The following AP4E1 variants were observed in gnomAD, a reference collection of about 807,000 sequenced individuals.
AP4E1 encodes AP-4 complex subunit epsilon-1.
AP4E1 carries 56 observed loss-of-function variants against 128.2 expected under a neutral mutation model. That is an observed-to-expected ratio of 0.44 (90% confidence interval 0.35 to 0.55). AP4E1 has a LOEUF of 0.55. Among genes scored for constraint, AP4E1 ranks in the 20% least tolerant of loss-of-function variants. AP4E1 has a pLI of 0.00. For missense variants in AP4E1, 1,324 were observed against 1,307.7 expected, an observed-to-expected ratio of 1.01 and a Z score of -0.19; for synonymous variants, 484 against 473.1, an observed-to-expected ratio of 1.02 and a Z score of -0.30.
intron 15 of AP4E1, among the ~76,000 whole-genome samples, chr15:50,976,068 C>T (rs1438126882): frequency 6.6e-6 from 1 of 151,596 alleles, no homozygotes; most frequent in African/African-American, 2.4e-5. Flanking sequence ...CCAGCCTTAC[C>T]CTGATAGCAA....
chr15:50,908,630 C>G (rs1312524093), upstream of AP4E1: 19 of 1,088,542 alleles, frequency 1.7e-5, no homozygotes, highest in African/African-American at 2.9e-4. Context: ...GAGAACGACG[C>G]TGAACTTGTT....
chr15:50,945,568 G>T (rs963385107), intron 10 of AP4E1: 5 of 741,768 alleles, frequency 6.7e-6, no homozygotes, highest in Non-Finnish European at 7.4e-6. Flanking sequence ...TGCTAGTTTC[G>T]ATAAAGCTAT....
At chr15:50,989,688 T>G (rs993258710) in intron 16 of AP4E1, among the ~76,000 whole-genome samples, 2 of 152,106 alleles carry the variant, frequency 1.3e-5, no homozygotes, top group Admixed American at 1.3e-4. Context: ...TTACACACTT[T>G]TACCTGCACA....
Position 50,997,881 on chromosome 15 carries a change from A to G in AP4E1, c.2902A>G (p.Lys968Glu). 1 of 1,596,446 alleles carries G rather than the reference A, an allele frequency of 6.3e-7. No individual in the cohort carries two copies. ...AGAAATTTTTCCTGCAGAAAATTTC[A>G]AGGTAAAATTTAAAGGTATTATTGT... ...DLEIFPAENFKVTEQPGCCLP... is the reference protein window; with the variant it reads ...DLEIFPAENFEVTEQPGCCLP... The change falls in exon 18 of 21, where the codon AAG becomes GAG. Residue 968 changes from lysine (K) to glutamate (E), a missense_variant and splice_region_variant. Coordinates refer to ENST00000261842, the MANE Select transcript of AP4E1 (RefSeq NM_007347.5).
At chr15:50,982,952 CATA>C (rs1318879430) in intron 15 of AP4E1, among the ~76,000 whole-genome samples, 1 of 152,096 alleles carries the variant, frequency 6.6e-6, no homozygotes, top group Non-Finnish European at 1.5e-5. Flanking sequence ...CAGAAGTTGA[CATA>C]ATATTTTCTA....
intron 3 of AP4E1, among the ~76,000 whole-genome samples, chr15:50,923,669 A>G (rs774665536): frequency 6.6e-6 from 1 of 152,216 alleles, no homozygotes; most frequent in Non-Finnish European, 1.5e-5. Context: ...TCTTAGTGCC[A>G]TTTACAAGAT....
chr15:50,941,938 A>G (rs1165841070), intron 10 of AP4E1, among the ~76,000 whole-genome samples, 163 bp downstream of exon 10: 1 of 152,112 alleles, frequency 6.6e-6, no homozygotes, highest in Non-Finnish European at 1.5e-5. Flanking sequence ...CTATTTTGAG[A>G]CAGAATCTCA....
At position 50,958,868 on chromosome 15, in the gene AP4E1, AT is replaced by A; in HGVS notation, c.1851+75del. On this transcript the variant is annotated intron_variant, in intron 14 of 20. Coordinates refer to ENST00000261842, the MANE Select transcript of AP4E1 (RefSeq NM_007347.5). ...AGAGTAATTCTTGCATTTGTGACATATCAGGAATATATCAAAATGTGGTTTC... is the reference window on the plus strand; with the variant it reads ...AGAGTAATTCTTGCATTTGTGACATACAGGAATATATCAAAATGTGGTTTC... 3 of 1,433,394 alleles carry A rather than the reference AT, an allele frequency of 2.1e-6. No homozygotes were observed. The South Asian group carries it at 3.5e-5, about 17-fold the overall frequency. 88.8% of individuals were successfully genotyped at this position (1,433,394 alleles called of 1,614,324 possible).
intron 10 of AP4E1, among the ~76,000 whole-genome samples, chr15:50,942,412 C>G (rs2064000070): frequency 6.6e-6 from 1 of 151,920 alleles, no homozygotes; most frequent in Non-Finnish European, 1.5e-5. Context: ...GTACAATTTC[C>G]TGTTATTGTA....
chr15:50,915,952 G>C (rs2063626398), intron 3 of AP4E1: 1 of 210,434 alleles, frequency 4.8e-6, no homozygotes, highest in African/African-American at 2.4e-5. Flanking sequence ...TGTTGAGACA[G>C]AGTCTCTCTG....
Position 50,958,626 on chromosome 15 carries a change from G to C in AP4E1, c.1683G>C (p.Leu561Phe). ...GGTTAATTGCTGCTGTGACCAAATT[G>C]ACATCTCAGGCGCACTCTTCTAATA... ...KAWLIAAVTK[L>F]TSQAHSSNTV... Residue 561 changes from leucine to phenylalanine, a missense_variant, in exon 14 of 21, where the codon TTG (leucine) becomes TTC (phenylalanine). Leu to Phe is a conservative substitution (Grantham distance 22). Coordinates refer to ENST00000261842, the MANE Select transcript of AP4E1 (RefSeq NM_007347.5). 6.2e-7 allele frequency: 1 copy of C among 1,614,104 alleles called. No homozygotes were observed. Among genetic ancestry groups the C allele is most frequent in the Non-Finnish European group, 8.5e-7 (1 of 1,180,010 alleles).
At chr15:51,001,280 T>C in intron 20 of AP4E1, 97 bp downstream of exon 20, 1 of 1,179,094 alleles carries the variant, frequency 8.5e-7, no homozygotes, top group South Asian at 1.4e-5. Context: ...TTCTCAGAGC[T>C]TTATTTCCTA....
In AP4E1 at chr15:50,923,945, T is replaced by G; in HGVS notation, c.361T>G (p.Ser121Ala). Residue 121 changes from serine (S) to alanine (A), a missense_variant, in exon 4 of 21, where the codon TCC (serine) becomes GCC (alanine). Coordinates refer to ENST00000261842, the MANE Select transcript of AP4E1 (RefSeq NM_007347.5). ...AACTTTTATAGGTTATTTGGCTGTT[T>G]CCTTATTTCTACATGAAAGTCATGA... is the stretch of plus-strand genomic sequence containing the variant. ...LEKRVGYLAVSLFLHESHELL... is the reference protein window; with the variant it reads ...LEKRVGYLAVALFLHESHELL... 2 of 1,612,018 alleles carry G rather than the reference T, an allele frequency of 1.2e-6. No individual in the cohort carries two copies. Among genetic ancestry groups the G allele is most frequent in the East Asian group, 2.2e-5 (1 of 44,728 alleles).
At chr15:50,980,697 G>A (rs2064631823) in intron 15 of AP4E1, among the ~76,000 whole-genome samples, 1 of 152,166 alleles carries the variant, frequency 6.6e-6, no homozygotes, top group Non-Finnish European at 1.5e-5. Context: ...TTCAGGGGAT[G>A]ACCAGCGTAC....
chr15:51,002,300 A>G lies in AP4E1; in HGVS notation c.3254-202A>G, dbSNP rs7162562. ...CACGTCTTCATCATCATTTGTTATT[A>G]TCTGTTTTTTTCTTTAATATTAGCC... On this transcript the variant is annotated intron_variant, in intron 20 of 20. Transcript: ENST00000261842. Among the ~76,000 whole-genome samples, 47,121 of 151,978 alleles carry G rather than the reference A, an allele frequency of 0.31. 7,819 individuals are homozygous for G. Among genetic ancestry groups the G allele is most frequent in the Middle Eastern group, 0.41 (120 of 294 alleles).
chr15:50,969,997 A>G (rs962642824), intron 15 of AP4E1, among the ~76,000 whole-genome samples: 3 of 152,110 alleles, frequency 2.0e-5, no homozygotes, highest in African/African-American at 7.2e-5. Flanking sequence ...AGACTATGTG[A>G]TACTTTATTA....
chr15:50,995,880 T>G (rs903784955), intron 17 of AP4E1, among the ~76,000 whole-genome samples: 19 of 96,618 alleles, frequency 2.0e-4, no homozygotes, highest in Non-Finnish European at 3.8e-4. Flanking sequence ...AAATGAAACA[T>G]AGACCAAAAA....
At chr15:50,923,851 A>T in intron 3 of AP4E1, 80 bp from the exon 4 acceptor site, 1 of 1,043,204 alleles carries the variant, frequency 9.6e-7, no homozygotes. Flanking sequence ...TTTGATACTT[A>T]CAGGACTGCT....
At chr15:50,910,336 C>T (rs1427228667) in intron 1 of AP4E1, among the ~76,000 whole-genome samples, 1 of 152,154 alleles carries the variant, frequency 6.6e-6, no homozygotes, top group Non-Finnish European at 1.5e-5. Context: ...TTCACAGCTA[C>T]AAGGAGTTTA....
Sources: allele counts gnomAD v4.1 joint callset (sites outside exome capture counted in the v4.1 genomes callset), GRCh38; gene constraint gnomAD v4.1.1; transcripts MANE v1.5; gene names NCBI Gene and HGNC (gene_info 2026-07-23, HGNC 2026-07-21).